Variants in ABCA1 observed in about 807,000 individuals in gnomAD.
ABCA1 encodes ATP binding cassette subfamily A member 1, also known as phospholipid-transporting ATPase ABCA1.
A neutral mutation model predicts 262.5 loss-of-function variants in ABCA1; 133 were observed. The ratio of observed to expected loss-of-function variants is 0.51; its 90% confidence interval spans 0.44 to 0.59. ABCA1 has a LOEUF of 0.59. Among genes scored for constraint, ABCA1 ranks in the 20% least tolerant of loss-of-function variants. The probability of loss-of-function intolerance (pLI) is 0.00; values close to 1 mark genes in which losing one functional copy is unlikely to be tolerated. For synonymous variants in ABCA1, 1,022 were observed against 1,043.5 expected (o/e 0.98, Z 0.40); for missense variants, 2,452 against 2,777.5 (o/e 0.88, Z 2.63).
chr9:104,899,570 C>T (rs1840497981), intron 2 of ABCA1, among the ~76,000 whole-genome samples: 1 of 151,880 alleles, frequency 6.6e-6, no homozygotes, highest in African/African-American at 2.4e-5. Context: ...GCTGTGTGCC[C>T]ATAATCCCAG....
intron 46 of ABCA1, among the ~76,000 whole-genome samples, chr9:104,787,611 T>C (rs1174941704): frequency 1.3e-5 from 2 of 152,190 alleles, no homozygotes; most frequent in Non-Finnish European, 2.9e-5. Flanking sequence ...CACTCTTCAT[T>C]TTCAGGGAAT....
Position 104,831,525 on chromosome 9 carries a change from A to T in ABCA1, c.1715+97T>A, listed in dbSNP as rs186486699. 3.8e-6 allele frequency: 4 copies of T among 1,045,480 alleles called. No individual in the cohort carries two copies. The Admixed American group carries it at 1.1e-4, about 29-fold the overall frequency. 64.8% of individuals were successfully genotyped at this position (1,045,480 alleles called of 1,614,324 possible). ...TTTTTTTGTTGTTGTTGAAATTTCTACCAAATTTTTAGTTAAAATAAAGTA... is the reference window on the plus strand; with the variant it reads ...TTTTTTTGTTGTTGTTGAAATTTCTTCCAAATTTTTAGTTAAAATAAAGTA... On this transcript the variant is annotated intron_variant, in intron 13 of 49. Coordinates refer to ENST00000374736, the MANE Select transcript of ABCA1 (RefSeq NM_005502.4).
intron 27 of ABCA1, among the ~76,000 whole-genome samples, chr9:104,813,458 G>A (rs897365174): frequency 2.0e-5 from 3 of 152,008 alleles, no homozygotes; most frequent in African/African-American, 7.3e-5. Context: ...TTGTTGCCCA[G>A]TCTGGAGTGC....
chr9:104,926,056 T>C (rs1280986066), intron 1 of ABCA1, among the ~76,000 whole-genome samples: 2 of 152,078 alleles, frequency 1.3e-5, no homozygotes, highest in Non-Finnish European at 2.9e-5. Context: ...TTCCACTCTT[T>C]AACTTGGGGG....
chr9:104,788,168 T>C, intron 45 of ABCA1, 114 bp from the exon 46 acceptor site: 1 of 1,292,868 alleles, frequency 7.7e-7, no homozygotes. Context: ...TCTATAATCA[T>C]AACCTGACAA....
At chr9:104,862,307 AC>A (rs1027884516) in intron 5 of ABCA1, among the ~76,000 whole-genome samples, 1 of 151,480 alleles carries the variant, frequency 6.6e-6, no homozygotes, top group African/African-American at 2.4e-5. Context: ...ACAGGGTTTC[AC>A]CATGATAGGC....
rs764641588 is a variant in ABCA1 at position 104,855,805 on chromosome 9, T to C, written c.720+2717A>G. On this transcript the variant is annotated intron_variant, in intron 7 of 49. Transcript: ENST00000374736. The stretch of plus-strand genomic sequence containing the variant: ...CTCCCACACTGCCATACTTTCCCCA[T>C]GTTGCCAAAACACTGCTTTCCAGAG... The C allele has an allele frequency of 6.3e-6, 10 of 1,589,272 alleles. 1 individual carries two copies. In the Middle Eastern group the frequency reaches 6.6e-4, roughly 105 times the overall value.
At chr9:104,788,183 TGAG>T in intron 45 of ABCA1, 129 bp from the exon 46 acceptor site, 1 of 1,229,508 alleles carries the variant, frequency 8.1e-7, no homozygotes, top group South Asian at 1.2e-5. Context: ...TGACAACTGG[TGAG>T]GAGCCAAAGC....
intron 1 of ABCA1, among the ~76,000 whole-genome samples, chr9:104,915,232 C>T (rs1841772959): frequency 1.3e-5 from 2 of 152,208 alleles, no homozygotes; most frequent in African/African-American, 4.8e-5. Context: ...CTTTCACCAG[C>T]CAGCTCTTGA....
intron 15 of ABCA1, among the ~76,000 whole-genome samples, chr9:104,827,662 A>AT (rs1832922101): frequency 6.6e-6 from 1 of 152,220 alleles, no homozygotes; most frequent in Admixed American, 6.5e-5. Flanking sequence ...TCTCCGGCTG[A>AT]TGGGTACATG....
At chr9:104,788,301 C>T in intron 45 of ABCA1, 125 bp downstream of exon 45, 10 of 1,414,496 alleles carry the variant, frequency 7.1e-6, no homozygotes, top group Admixed American at 1.7e-5. Flanking sequence ...TACAAAGAAC[C>T]AGCATTTTGT....
At position 104,781,590 on chromosome 9, in the gene ABCA1, C is replaced by A. The variant is rs1828548737; in HGVS notation, c.*2725G>T. On this transcript the variant is annotated 3_prime_UTR_variant, in exon 50 of 50. Transcript: ENST00000374736. ...AATGATGTGCAACATTTAATAGTCACAAAGCATTTGCTTTCAGTACAGATA... is the reference window on the plus strand; with the variant it reads ...AATGATGTGCAACATTTAATAGTCAAAAAGCATTTGCTTTCAGTACAGATA... 1 of 152,588 alleles carries A rather than the reference C, an allele frequency of 6.6e-6. No homozygotes were observed. Among genetic ancestry groups the A allele is most frequent in the Non-Finnish European group, 1.5e-5 (1 of 68,006 alleles). 9.5% of individuals were successfully genotyped at this position (152,588 alleles called of 1,614,324 possible).
In ABCA1 at chr9:104,831,051, A is replaced by G. The variant is rs1322004216; in HGVS notation, c.1766T>C (p.Val589Ala). 1 of 1,613,316 alleles carries G rather than the reference A, an allele frequency of 6.2e-7. No homozygotes were observed. The highest frequency in any genetic ancestry group is 8.5e-7 in the Non-Finnish European group (1 of 1,179,892). ...CTGCAAGTAGGCGAAGCCCCCCCAG[A>G]CGTACCGCATGTCCTCAAAGGGGTC... ...RADPFEDMRY[V>A]WGGFAYLQDV... Residue 589 changes from valine to alanine, a missense_variant, in exon 14 of 50, where the codon GTC (valine) becomes GCC (alanine). By Grantham distance (64) the Val-to-Ala change is moderately conservative. This residue lies in a region of ABCA1 where 1,032 missense variants were observed against 1,089.7 expected (regional missense o/e 0.95). Transcript: ENST00000374736.
Position 104,862,737 on chromosome 9 carries a change from A to G in ABCA1, c.422-937T>C, listed in dbSNP as rs866339376. ...CACCCCCACCCCCACCCCCACCCCCACCCCCACCCCCACCCCCAGAGTTTC... is the reference window on the plus strand; with the variant it reads ...CACCCCCACCCCCACCCCCACCCCCGCCCCCACCCCCACCCCCAGAGTTTC... On this transcript the variant is annotated intron_variant, in intron 5 of 49. Transcript: ENST00000374736. 4.2e-4 allele frequency among the ~76,000 whole-genome samples: 12 copies of G among 28,446 alleles called. 1 individual carries two copies. The highest frequency in any genetic ancestry group is 2.6e-3 in the Admixed American group (6 of 2,272). 18.7% of individuals were successfully genotyped at this position (28,446 alleles called of 152,430 possible). A position where few individuals can be genotyped will look rare whatever the true frequency, so the allele number is the denominator to read the frequency against.
At chr9:104,916,639 C>T (rs1332818087) in intron 1 of ABCA1, among the ~76,000 whole-genome samples, 1 of 152,190 alleles carries the variant, frequency 6.6e-6, no homozygotes, top group Non-Finnish European at 1.5e-5. Flanking sequence ...ATAAATTTAG[C>T]ACGCCATTCT....
intron 1 of ABCA1, among the ~76,000 whole-genome samples, chr9:104,919,745 C>T (rs1165798475): frequency 2.6e-5 from 4 of 152,192 alleles, no homozygotes; most frequent in Admixed American, 1.3e-4. Flanking sequence ...TCAACTGAAA[C>T]TTATTGAATT....
Position 104,824,465 on chromosome 9 carries a change from T to C in ABCA1, c.2656A>G (p.Ile886Val), listed in dbSNP as rs1832649221. 1 of 1,614,156 alleles carries C rather than the reference T, an allele frequency of 6.2e-7. No homozygotes were observed. The highest frequency in any genetic ancestry group is 8.5e-7 in the Non-Finnish European group (1 of 1,180,010). Residue 886 changes from isoleucine to valine, a missense_variant and splice_region_variant, in exon 18 of 50, where the codon ATC (isoleucine) becomes GTC (valine). Coordinates refer to ENST00000374736, the MANE Select transcript of ABCA1 (RefSeq NM_005502.4). ...AGAGCAGGAGGTCAACAGCACTTAC[T>C]TTCTGATATTCTCTTCTGGTTGGAA... Reference protein sequence around the residue: ...PGSNQKRISEICMEEEPTHLK... With the variant: ...PGSNQKRISEVCMEEEPTHLK...
chr9:104,809,480 T>A lies in ABCA1; in HGVS notation c.4260A>T (p.Glu1420Asp). 1.2e-6 allele frequency: 2 copies of A among 1,614,184 alleles called. No homozygotes were observed. The highest frequency in any genetic ancestry group is 1.7e-6 in the Non-Finnish European group (2 of 1,180,022). ...KDPGFGTRCM[E>D]GNPIPDTPCQ... ...GTGGCACTCACGGGATTGGGTTTCC[T>A]TCCATACAGCGGGTCCCGAAGCCAG... The change falls in exon 30 of 50, where the codon GAA (glutamate) becomes GAT (aspartate). Residue 1420 changes from glutamate to aspartate, a missense_variant. Glu to Asp is a conservative substitution (Grantham distance 45). Transcript: ENST00000374736.
intron 48 of ABCA1, among the ~76,000 whole-genome samples, 200 bp downstream of exon 48, chr9:104,786,098 T>A (rs1330824186): frequency 1.3e-5 from 2 of 152,230 alleles, no homozygotes; most frequent in African/African-American, 4.8e-5. Context: ...TTAAGTCACT[T>A]GCCCAAGAGT....
Sources: allele counts gnomAD v4.1 joint callset (sites outside exome capture counted in the v4.1 genomes callset), GRCh38; gene constraint gnomAD v4.1.1; regional missense constraint gnomAD v4.1.1; transcripts MANE v1.5; gene names NCBI Gene and HGNC (gene_info 2026-07-23, HGNC 2026-07-21).